The following WDR27 variants were observed in gnomAD, a reference collection of about 807,000 sequenced individuals.
The protein encoded by WDR27 is WD repeat domain 27.
In WDR27, 100 loss-of-function variants were observed where a neutral mutation model predicts 114.4. The observed-to-expected ratio is 0.87, with a 90% CI of 0.74 to 1.03. The LOEUF (loss-of-function observed/expected upper bound fraction) is 1.03. Among genes scored for constraint, WDR27 ranks in the 50% least tolerant of loss-of-function variants. WDR27 has a pLI of 0.00. For missense variants in WDR27, 1,129 were observed against 1,092.9 expected, an observed-to-expected ratio of 1.03 and a Z score of -0.47; for synonymous variants, 449 against 423.1, an observed-to-expected ratio of 1.06 and a Z score of -0.75.
chr6:169,665,506 TGACC>T lies in WDR27; in HGVS notation c.759_762del (p.Val254ProfsTer13), dbSNP rs781373853. The stretch of plus-strand genomic sequence containing the variant: ...CTCACCTGGCCGTCAGCACACCCGG[TGACC>T]AGCTGCCTGCTTTCTGCATCAATGA... On this transcript the variant is annotated frameshift_variant, in exon 7 of 26. Coordinates refer to ENST00000448612, the MANE Select transcript of WDR27 (RefSeq NM_182552.5). LOFTEE classifies it high-confidence loss of function. 1 of 1,613,802 alleles carries T rather than the reference TGACC, an allele frequency of 6.2e-7. No individual in the cohort carries two copies. The highest frequency in any genetic ancestry group is 8.5e-7 in the Non-Finnish European group (1 of 1,179,780).
chr6:169,548,942 T>C (rs1797772864), intron 25 of WDR27, among the ~76,000 whole-genome samples: 2 of 152,210 alleles, frequency 1.3e-5, no homozygotes, highest in African/African-American at 4.8e-5. Context: ...AATGCAAAGC[T>C]ATATAATTCC....
chr6:169,459,899 C>T (rs1159953261), intron 25 of WDR27, among the ~76,000 whole-genome samples: 1 of 152,026 alleles, frequency 6.6e-6, no homozygotes, highest in Non-Finnish European at 1.5e-5. Flanking sequence ...TAAGACATTC[C>T]CAGATAAATG....
rs539025033 is a variant in WDR27, at chr6:169,515,609, T to C, written c.2645+56810A>G. ...TGAATAAAAGTGTTCAGTAAAATCA[T>C]AATTTGGTAATTGAAAGCCTTTCTT... On this transcript the variant is annotated intron_variant, in intron 25 of 25. Coordinates refer to ENST00000448612, the MANE Select transcript of WDR27 (RefSeq NM_182552.5). Among the ~76,000 whole-genome samples the C allele has an allele frequency of 2.3e-3, 356 of 152,184 alleles. 3 individuals carry two copies. Among genetic ancestry groups the C allele is most frequent in the African/African-American group, 8.2e-3 (341 of 41,558 alleles).
At chr6:169,662,882 C>T (rs1826697849) in intron 8 of WDR27, among the ~76,000 whole-genome samples, 1 of 143,408 alleles carries the variant, frequency 7.0e-6, no homozygotes, top group Non-Finnish European at 1.5e-5. Flanking sequence ...GATCACGTGT[C>T]AAGGAAAGCA....
At chr6:169,502,551 C>A (rs1257781639) in intron 25 of WDR27, among the ~76,000 whole-genome samples, 1 of 152,202 alleles carries the variant, frequency 6.6e-6, no homozygotes, top group Non-Finnish European at 1.5e-5. Flanking sequence ...CCTCTGGAGG[C>A]TTCAGGAGAA....
chr6:169,449,638 C>A, the WDR27 span, among the ~76,000 whole-genome samples: 6 of 152,208 alleles, frequency 3.9e-5, no homozygotes, highest in Admixed American at 1.3e-4. Context: ...CATTTGGCCA[C>A]CCTCTTAGTG....
intron 8 of WDR27, 62 bp from the exon 9 acceptor site, chr6:169,662,486 G>A: frequency 6.3e-7 from 1 of 1,582,850 alleles, no homozygotes; most frequent in Non-Finnish European, 8.6e-7. Context: ...AAGTTTAAAG[G>A]CTGAGGACTG....
At chr6:169,557,149 T>G (rs547690809) in intron 25 of WDR27, among the ~76,000 whole-genome samples, 1 of 152,258 alleles carries the variant, frequency 6.6e-6, no homozygotes, top group East Asian at 1.9e-4. Context: ...CATCAAAAGA[T>G]CCCCAACTGA....
intron 25 of WDR27, among the ~76,000 whole-genome samples, chr6:169,516,486 TGCGGTGGGGAATGG>T (rs544532521): frequency 1.1e-4 from 16 of 152,154 alleles, no homozygotes; most frequent in Admixed American, 8.5e-4. Flanking sequence ...CTAATTCTGC[TGCGGTGGGGAATGG>T]GCGGTGGGGA....
chr6:169,676,117 G>C (rs1241174498), intron 2 of WDR27, among the ~76,000 whole-genome samples: 2 of 152,158 alleles, frequency 1.3e-5, no homozygotes, highest in Non-Finnish European at 2.9e-5. Flanking sequence ...AGGCCCCTTA[G>C]GTAGGAATTT....
intron 25 of WDR27, among the ~76,000 whole-genome samples, chr6:169,479,029 GCAATTGCAA>G (rs1337020164): frequency 2.0e-5 from 3 of 152,110 alleles, no homozygotes; most frequent in Non-Finnish European, 4.4e-5. Flanking sequence ...GTCCCCTAAA[GCAATTGCAA>G]CAAAAGCAAA....
At chr6:169,495,523 TA>T in intron 25 of WDR27, among the ~76,000 whole-genome samples, 1 of 150,020 alleles carries the variant, frequency 6.7e-6, no homozygotes, top group East Asian at 1.9e-4. Context: ...TTTGAAAAGA[TA>T]AAAAAAAACC....
chr6:169,538,016 AAATT>A (rs1287365586), intron 25 of WDR27, among the ~76,000 whole-genome samples: 2 of 152,090 alleles, frequency 1.3e-5, no homozygotes, highest in African/African-American at 4.8e-5. Flanking sequence ...TCTTCAAAAT[AAATT>A]GGGTGTGTAT....
chr6:169,450,557 AC>A, the WDR27 span, among the ~76,000 whole-genome samples: 63 of 152,298 alleles, frequency 4.1e-4, no homozygotes, highest in African/African-American at 1.5e-3. Context: ...GATATCATTC[AC>A]ATACATGGCA....
Position 169,633,710 on chromosome 6 carries a change from C to T in WDR27, c.2102-642G>A, listed in dbSNP as rs139440619. 3.9e-3 allele frequency among the ~76,000 whole-genome samples: 587 copies of T among 152,298 alleles called. 7 individuals carry two copies. The highest frequency in any genetic ancestry group is 0.017 in the Middle Eastern group (5 of 294). On this transcript the variant is annotated intron_variant, in intron 20 of 25. Transcript: ENST00000448612. ...AAGAGACCCGTAATGCTGGTGTTAGCGTTGGATTACTCTTGACTCTAGTAC... is the reference window on the plus strand; with the variant it reads ...AAGAGACCCGTAATGCTGGTGTTAGTGTTGGATTACTCTTGACTCTAGTAC...
chr6:169,623,704 T>G (rs1813922589), intron 21 of WDR27, among the ~76,000 whole-genome samples: 1 of 152,292 alleles, frequency 6.6e-6, no homozygotes, highest in African/African-American at 2.4e-5. Context: ...CATTTACTTA[T>G]TTATTTTGTT....
At chr6:169,612,737 A>C (rs567714489) in intron 22 of WDR27, among the ~76,000 whole-genome samples, 1 of 151,808 alleles carries the variant, frequency 6.6e-6, no homozygotes, top group East Asian at 2.0e-4. Context: ...GAAGGAATGC[A>C]CTCTAAAATC....
intron 25 of WDR27, among the ~76,000 whole-genome samples, chr6:169,556,432 G>A (rs1172826280): frequency 6.6e-6 from 1 of 152,096 alleles, no homozygotes; most frequent in Non-Finnish European, 1.5e-5. Context: ...AGATAAAGAG[G>A]GTGTGGTTTC....
Position 169,634,492 on chromosome 6 carries a change from G to A in WDR27, c.2037C>T (p.Cys679=). 1.2e-6 allele frequency: 2 copies of A among 1,612,850 alleles called. No homozygotes were observed. The highest frequency in any genetic ancestry group is 1.7e-6 in the Non-Finnish European group (2 of 1,179,458). The change falls in exon 20 of 26, where the codon TGC becomes TGT. Residue 679 remains cysteine, a synonymous_variant. Transcript: ENST00000448612. ...CTACTGCACCCGTCGTGGAGAGCCT[G>A]CAAATCAGCTTGGACTTGCTCTTCT... ...YKQKSKSKLI[C]RLSTTGAVDM... is the part of the protein sequence containing the mutation.
Sources: allele counts gnomAD v4.1 joint callset (sites outside exome capture counted in the v4.1 genomes callset), GRCh38; gene constraint gnomAD v4.1.1; transcripts MANE v1.5; gene names NCBI Gene and HGNC (gene_info 2026-07-23, HGNC 2026-07-21).